The following MTMR9 variants were observed in gnomAD, a reference collection of about 807,000 sequenced individuals.
The protein encoded by MTMR9 is myotubularin related protein 9, also known as myotubularin-related protein 9.
Under a neutral mutation model 69.5 loss-of-function variants are expected in MTMR9, and 39 were observed. The ratio of observed to expected loss-of-function variants is 0.56; its 90% CI spans 0.43 to 0.73. The LOEUF (loss-of-function observed/expected upper bound fraction) is 0.73, where lower values mean the gene tolerates loss of function less well. Ranked by LOEUF, MTMR9 falls within the 30% of genes least tolerant of loss-of-function variation. MTMR9 has a pLI of 0.00. For synonymous variants in MTMR9, 354 were observed against 240.8 expected (o/e 1.47, Z -4.35); for missense variants, 900 against 671.2 (o/e 1.34, Z -3.77).
intron 2 of MTMR9, among the ~76,000 whole-genome samples, chr8:11,298,419 A>G (rs1467803346): frequency 6.6e-6 from 1 of 152,112 alleles, no homozygotes; most frequent in Non-Finnish European, 1.5e-5. Flanking sequence ...AATGGATTAT[A>G]CAGCCATGCT....
chr8:11,339,382 A>G, the MTMR9 span, among the ~76,000 whole-genome samples: 9 of 152,204 alleles, frequency 5.9e-5, no homozygotes, highest in Admixed American at 5.2e-4. Flanking sequence ...GGCCTTTAAT[A>G]ATTATTCATT....
downstream of MTMR9, chr8:11,331,339 T>C (rs2117498958): frequency 6.2e-7 from 1 of 1,613,846 alleles, no homozygotes; most frequent in East Asian, 2.2e-5. Flanking sequence ...TGTCGATGCC[T>C]CTTCCACCTC....
rs974110948 is a variant in MTMR9, at chr8:11,324,499, T to C, written c.*1711T>C. The C allele has an allele frequency of 2.1e-5, 3 of 145,880 alleles. No homozygotes were observed. The highest frequency in any genetic ancestry group is 3.0e-5 in the Non-Finnish European group (2 of 67,426). 9.0% of individuals were successfully genotyped at this position (145,880 alleles called of 1,614,324 possible). On this transcript the variant is annotated 3_prime_UTR_variant, in exon 10 of 10. Coordinates refer to ENST00000221086, the MANE Select transcript of MTMR9 (RefSeq NM_015458.4). ...CTCTGCGTTGTGTGAAATGTCCATC[T>C]TAGTTTTGTTAAAAAAAAAAAAAAA...
chr8:11,314,167 A>C (rs1356643030), intron 6 of MTMR9, among the ~76,000 whole-genome samples: 1 of 152,226 alleles, frequency 6.6e-6, no homozygotes, highest in Non-Finnish European at 1.5e-5. Context: ...CCAAACCCGA[A>C]GCTTTTGTGT....
chr8:11,298,403 A>G (rs1185366025), intron 2 of MTMR9, among the ~76,000 whole-genome samples: 1 of 152,064 alleles, frequency 6.6e-6, no homozygotes, highest in Admixed American at 6.5e-5. Context: ...ATATATTTAT[A>G]TGGATAATGG....
In MTMR9 at chr8:11,309,016, C is replaced by T. The variant is rs577703615; in HGVS notation, c.810-511C>T. Among the ~76,000 whole-genome samples the T allele has an allele frequency of 2.8e-4, 42 of 152,266 alleles. No homozygotes were observed. In the Middle Eastern group the frequency reaches 0.02, roughly 74 times the overall value. On this transcript the variant is annotated intron_variant, in intron 5 of 9. Coordinates refer to ENST00000221086, the MANE Select transcript of MTMR9 (RefSeq NM_015458.4). ...TTAGAGATTTAATTTCTCCCCATAT[C>T]GACCTATTTTCGCACAGTTTCCTCC...
rs1050681299 is a variant in MTMR9 at position 11,304,938 on chromosome 8, C to G, written c.515C>G (p.Ala172Gly). Residue 172 changes from alanine (A) to glycine (G), a missense_variant, in exon 4 of 10, where the codon GCT becomes GGT. Coordinates refer to ENST00000221086, the MANE Select transcript of MTMR9 (RefSeq NM_015458.4). ...VTVPKSIDDE[A>G]LRKVATFRHG... ...GTGCCCAAATCCATCGATGATGAAG[C>G]TCTTCGGAAGGTAGCTACATTTCGA... 4.3e-6 allele frequency: 7 copies of G among 1,613,908 alleles called. No homozygotes were observed. The African/African-American group carries it at 9.3e-5, about 22-fold the overall frequency.
At chr8:11,333,289 T>C in the MTMR9 span, among the ~76,000 whole-genome samples, 3 of 152,268 alleles carry the variant, frequency 2.0e-5, no homozygotes, top group South Asian at 6.2e-4. Context: ...GGATCCTAAA[T>C]GAGATTATCA....
At chr8:11,288,337 A>G (rs904723298) in intron 1 of MTMR9, among the ~76,000 whole-genome samples, 4 of 140,378 alleles carry the variant, frequency 2.8e-5, no homozygotes, top group Non-Finnish European at 4.6e-5. Context: ...ACATAAATAT[A>G]TAATATATTT....
In MTMR9 at chr8:11,309,622, C is replaced by CA; in HGVS notation, c.905_906insA (p.Asn303Ter). On this transcript the variant is annotated frameshift_variant, in exon 6 of 10. Transcript: ENST00000221086. LOFTEE classifies it high-confidence loss of function. ...CGATGGCTCAGTAAATTGGAGGCCT[C>CA]TAACTGGCTGACTCACATCAAAGAG... 1 of 1,613,998 alleles carries CA rather than the reference C, an allele frequency of 6.2e-7. No individual in the cohort carries two copies.
At chr8:11,286,496 C>G (rs535178129) in intron 1 of MTMR9, among the ~76,000 whole-genome samples, 5 of 151,610 alleles carry the variant, frequency 3.3e-5, no homozygotes, top group Admixed American at 1.3e-4. Context: ...GAAAGCCCGT[C>G]TCTACTAAAA....
intron 1 of MTMR9, among the ~76,000 whole-genome samples, chr8:11,292,564 G>T (rs1224236328): frequency 6.6e-6 from 1 of 152,120 alleles, no homozygotes; most frequent in Non-Finnish European, 1.5e-5. Flanking sequence ...TCTTACTGTG[G>T]CTTAAATTTG....
intron 1 of MTMR9, among the ~76,000 whole-genome samples, chr8:11,286,606 C>T (rs1201111466): frequency 7.2e-6 from 1 of 139,324 alleles, no homozygotes; most frequent in African/African-American, 2.8e-5. Flanking sequence ...GCAGAGGTTG[C>T]AGTGAGCCGA....
At chr8:11,297,620 C>T (rs999547036) in intron 2 of MTMR9, among the ~76,000 whole-genome samples, 7 of 151,326 alleles carry the variant, frequency 4.6e-5, no homozygotes, top group African/African-American at 1.7e-4. Context: ...TGTAAGATGA[C>T]TGGCTGGTTG....
In MTMR9 at chr8:11,306,411, A is replaced by G. The variant is rs1459443689; in HGVS notation, c.809+4A>G. 1 of 1,612,280 alleles carries G rather than the reference A, an allele frequency of 6.2e-7. No individual in the cohort carries two copies. On this transcript the variant is annotated splice_donor_region_variant and intron_variant, in intron 5 of 9. Transcript: ENST00000221086. ...GAATTCATAAGTCCATTGAGAGGTAAAAGATTCCAAAGATAGTACAGACTC... is the reference window on the plus strand; with the variant it reads ...GAATTCATAAGTCCATTGAGAGGTAGAAGATTCCAAAGATAGTACAGACTC...
chr8:11,305,078 A>G (rs1015457952), intron 4 of MTMR9, 64 bp downstream of exon 4: 2 of 1,512,570 alleles, frequency 1.3e-6, no homozygotes, highest in African/African-American at 1.4e-5. Flanking sequence ...TTTCGTAGAA[A>G]TGTTCCCTTT....
chr8:11,304,759 C>A, intron 3 of MTMR9, 82 bp from the exon 4 acceptor site: 1 of 1,414,932 alleles, frequency 7.1e-7, no homozygotes, highest in Non-Finnish European at 9.8e-7. Flanking sequence ...GAAAGTTGAC[C>A]TCTAAGGTCT....
intron 1 of MTMR9, among the ~76,000 whole-genome samples, chr8:11,294,455 GT>G (rs1799476526): frequency 7.2e-6 from 1 of 138,754 alleles, no homozygotes. Flanking sequence ...GGTTTTTCAT[GT>G]TTTTAAATCA....
At chr8:11,298,834 GGTTTTCCTATGTCT>G in intron 2 of MTMR9, 1 of 983,554 alleles carries the variant, frequency 1.0e-6, no homozygotes, top group Non-Finnish European at 1.2e-6. Context: ...CATCTACTCA[GGTTTTCCTATGTCT>G]GTTTTCCAGG....
Sources: gnomAD v4.1 joint callset for allele counts (sites outside exome capture counted in the v4.1 genomes callset) on GRCh38, gnomAD v4.1.1 for gene constraint, MANE v1.5 for transcripts, NCBI Gene and HGNC (gene_info 2026-07-23, HGNC 2026-07-21) for gene names.